DNAH2: variants seen among roughly 807,000 people sequenced by gnomAD.
DNAH2 encodes dynein axonemal heavy chain 2.
Under a neutral mutation model 523.5 loss-of-function variants are expected in DNAH2, and 323 were observed. The observed-to-expected ratio is 0.62, with a 90% CI of 0.56 to 0.68. DNAH2 has a LOEUF of 0.68. Among genes scored for constraint, DNAH2 ranks in the 30% least tolerant of loss-of-function variants. The probability of loss-of-function intolerance (pLI) is 0.00; values close to 1 mark genes in which losing one functional copy is unlikely to be tolerated. For missense variants in DNAH2, 4,907 were observed against 5,701.5 expected (o/e 0.86, Z 4.49); for synonymous variants, 2,093 against 2,177.4 (o/e 0.96, Z 1.08).
rs763722220 is a variant in DNAH2 at position 7,786,847 on chromosome 17, G to A, written c.6467-50G>A. ...TGTCTCCGAGGAGCGTGAGCGGAGG[G>A]TGCAAGGTGAGCGGCTCCCCGGTTT... is the stretch of plus-strand genomic sequence containing the variant. On this transcript the variant is annotated intron_variant, in intron 41 of 85. Coordinates refer to ENST00000572933, the MANE Select transcript of DNAH2 (RefSeq NM_020877.5). This position sits in a 1 kb window ranked among gnomAD's most constrained non-coding sequence, Gnocchi z 7.5. The A allele has an allele frequency of 6.2e-7, 1 of 1,613,468 alleles. No individual in the cohort carries two copies. Among genetic ancestry groups the A allele is most frequent in the Admixed American group, 1.7e-5 (1 of 60,008 alleles).
Position 7,833,608 on chromosome 17 carries a change from T to C in DNAH2, c.*75T>C. 6.3e-7 allele frequency: 1 copy of C among 1,593,158 alleles called. No individual in the cohort carries two copies. The highest frequency in any genetic ancestry group is 1.1e-5 in the South Asian group (1 of 90,178). ...CTAAGACAGATGTTGCACCTAGGAC[T>C]GAGGCCGGACCTCACTCAGACTTTG... On this transcript the variant is annotated 3_prime_UTR_variant, in exon 86 of 86. Transcript: ENST00000572933.
intron 77 of DNAH2, among the ~76,000 whole-genome samples, chr17:7,829,301 C>T (rs746306623): frequency 4.6e-5 from 7 of 152,184 alleles, no homozygotes; most frequent in African/African-American, 1.2e-4. Flanking sequence ...CGTGAGCCAG[C>T]GCGCCTGGCC....
At chr17:7,741,304 TCCCTCCCTCCCTCCC>T (rs2075333146) in intron 11 of DNAH2, among the ~76,000 whole-genome samples, 3 of 53,914 alleles carry the variant, frequency 5.6e-5, no homozygotes, top group African/African-American at 8.9e-5. Context: ...CTTCCTTCCT[TCCCTCCCTCCCTCCC>T]TCCCTCCTTC....
In DNAH2 at chr17:7,830,287, T is replaced by C. The variant is rs2078134128; in HGVS notation, c.11854-13T>C. 1 of 1,610,626 alleles carries C rather than the reference T, an allele frequency of 6.2e-7. No homozygotes were observed. Among genetic ancestry groups the C allele is most frequent in the Non-Finnish European group, 8.5e-7 (1 of 1,178,190 alleles). On this transcript the variant is annotated splice_polypyrimidine_tract_variant and intron_variant, in intron 77 of 85. Transcript: ENST00000572933. ...ATGCATGTCACCCCATCTTTATATT[T>C]CATTGTCCCCAGGGCCTAAAGGCCA...
Position 7,831,034 on chromosome 17 carries a change from A to G in DNAH2, c.12231-52A>G. 1 of 1,581,668 alleles carries G rather than the reference A, an allele frequency of 6.3e-7. No individual in the cohort carries two copies. The highest frequency in any genetic ancestry group is 8.6e-7 in the Non-Finnish European group (1 of 1,160,016). On this transcript the variant is annotated intron_variant, in intron 79 of 85. Transcript: ENST00000572933. The surrounding 1 kb of genome is among the most constrained non-coding windows in gnomAD (Gnocchi z 4.2). ...CATAGGTTTGGGGTCTTGGCCTGGC[A>G]TTGAGGGCTGAGTCCCCACAATGTG...
chr17:7,741,236 C>CTCTTTCTTTCTTTCTTTCTTTCTT (rs71387996), intron 11 of DNAH2, among the ~76,000 whole-genome samples: 29 of 85,666 alleles, frequency 3.4e-4, no homozygotes, highest in Non-Finnish European at 5.4e-4. Flanking sequence ...TTTTCTCTCT[C>CTCTTTCTTTCTTTCTTTCTTTCTT]TCTTTCTTTC....
At chr17:7,753,452 T>G (rs1181787476) in intron 12 of DNAH2, among the ~76,000 whole-genome samples, 1 of 152,016 alleles carries the variant, frequency 6.6e-6, no homozygotes, top group Non-Finnish European at 1.5e-5. Flanking sequence ...GTGAAGAACC[T>G]CGGGGAGTCC....
intron 18 of DNAH2, among the ~76,000 whole-genome samples, chr17:7,762,613 C>A (rs1019522049): frequency 1.3e-5 from 2 of 152,050 alleles, no homozygotes; most frequent in Non-Finnish European, 2.9e-5. Context: ...GGATTACGGG[C>A]CTGAGCCACC....
chr17:7,753,314 T>A (rs2075742019), intron 12 of DNAH2, among the ~76,000 whole-genome samples: 1 of 152,060 alleles, frequency 6.6e-6, no homozygotes, highest in Non-Finnish European at 1.5e-5. Context: ...GGCAGAGCTA[T>A]CTAGTAGACA....
chr17:7,759,405 T>C lies in DNAH2; in HGVS notation c.2449-17T>C, dbSNP rs1308992418. 2 of 1,589,626 alleles carry C rather than the reference T, an allele frequency of 1.3e-6. No homozygotes were observed. Among genetic ancestry groups the C allele is most frequent in the Non-Finnish European group, 1.7e-6 (2 of 1,166,462 alleles). ...CTTCCCTGAAAAGTTCTCTTTTTCC[T>C]CCCTCCATCCCATCAGATTCAGCAG... On this transcript the variant is annotated splice_polypyrimidine_tract_variant and intron_variant, in intron 15 of 85. Transcript: ENST00000572933.
chr17:7,831,848 G>A lies in DNAH2; in HGVS notation c.12726+73G>A. The A allele has an allele frequency of 2.2e-6, 3 of 1,390,288 alleles. No homozygotes were observed. The highest frequency in any genetic ancestry group is 3.0e-6 in the Non-Finnish European group (3 of 1,008,750). 86.1% of individuals were successfully genotyped at this position (1,390,288 alleles called of 1,614,324 possible). A position where few individuals can be genotyped will look rare whatever the true frequency, so the allele number is the denominator to read the frequency against. ...TCAATCCTGGGCCCCCCAATCTCCT[G>A]GTTCTAGGTGGGCATAAAGCAAACT... On this transcript the variant is annotated intron_variant, in intron 82 of 85. Transcript: ENST00000572933. This position sits in a 1 kb window ranked among gnomAD's most constrained non-coding sequence, Gnocchi z 4.2.
intron 63 of DNAH2, among the ~76,000 whole-genome samples, chr17:7,811,934 T>C (rs943696678): frequency 9.9e-5 from 15 of 152,204 alleles, no homozygotes; most frequent in Non-Finnish European, 1.6e-4. Flanking sequence ...GAATGAAGTC[T>C]CTCGTGAGCA....
rs763080669 is a variant in DNAH2, at chr17:7,776,866, C to T, written c.5035C>T (p.Leu1679Phe). 9.9e-6 allele frequency: 16 copies of T among 1,611,486 alleles called. No individual in the cohort carries two copies. In the African/African-American group the frequency reaches 1.2e-4, roughly 12 times the overall value. Residue 1679 changes from leucine to phenylalanine, a missense_variant, in exon 32 of 86, where the codon CTC (leucine) becomes TTC (phenylalanine). Around this residue, in one of 3 missense-constraint regions of DNAH2, gnomAD observed 2,806 missense variants for 3,190.8 expected, o/e 0.88. Transcript: ENST00000572933. The part of the protein sequence containing the change: ...TAKERADKKI[L>F]KVMKKNQVSI... ...GAAGGAGCGGGCAGACAAGAAAATC[C>T]TCAAGGTCATGAAGAAGAACCAGGT...
At position 7,787,599 on chromosome 17, in the gene DNAH2, G is replaced by C. The variant is rs185871953; in HGVS notation, c.6604-261G>C. 12 of 377,374 alleles carry C rather than the reference G, an allele frequency of 3.2e-5. No homozygotes were observed. The East Asian group carries it at 6.1e-4, about 19-fold the overall frequency. The allele number at this position is 377,374 out of a possible 1,614,324, so 23.4% of individuals were successfully genotyped here. A position where few individuals can be genotyped will look rare whatever the true frequency, so the allele number is the denominator to read the frequency against. On this transcript the variant is annotated intron_variant, in intron 42 of 85. Transcript: ENST00000572933. ...AAAAATACAAAAGTTAGCTGGGTGT[G>C]GTGTTGTGCACCTGTAGTCCCAGGT...
At position 7,798,020 on chromosome 17, in the gene DNAH2, C is replaced by G; in HGVS notation, c.8231-137C>G. ...GTTAAAAGTTGAATTGCCTCCTGGG[C>G]CTTGGGCACCAACTTCTTCTCATAC... On this transcript the variant is annotated intron_variant, in intron 53 of 85. Transcript: ENST00000572933. The surrounding 1 kb of genome is among the most constrained non-coding windows in gnomAD (Gnocchi z 5.5). The G allele has an allele frequency of 7.3e-7, 1 of 1,374,406 alleles. No homozygotes were observed. Among genetic ancestry groups the G allele is most frequent in the Non-Finnish European group, 9.8e-7 (1 of 1,018,316 alleles). 85.1% of individuals were successfully genotyped at this position (1,374,406 alleles called of 1,614,324 possible).
Position 7,780,411 on chromosome 17 carries a change from G to A in DNAH2, c.5850+127G>A. On this transcript the variant is annotated intron_variant, in intron 37 of 85. Coordinates refer to ENST00000572933, the MANE Select transcript of DNAH2 (RefSeq NM_020877.5). This position sits in a 1 kb window ranked among gnomAD's most constrained non-coding sequence, Gnocchi z 4.4. ...AAGGAACTTAGACTATTGTCAGTAG[G>A]ATGTGTGGGGAGAAAAATTTAGGGG... 2 of 1,484,066 alleles carry A rather than the reference G, an allele frequency of 1.3e-6. No individual in the cohort carries two copies. The highest frequency in any genetic ancestry group is 1.8e-6 in the Non-Finnish European group (2 of 1,084,684). The allele number at this position is 1,484,066 out of a possible 1,614,324, so 91.9% of individuals were successfully genotyped here. A position where few individuals can be genotyped will look rare whatever the true frequency, so the allele number is the denominator to read the frequency against.
intron 51 of DNAH2, 34 bp from the exon 52 acceptor site, chr17:7,797,366 A>T: frequency 6.2e-7 from 1 of 1,613,680 alleles, no homozygotes. Flanking sequence ...TCTCCTCTTT[A>T]TTCCCCGATC....
chr17:7,771,063 T>C, intron 27 of DNAH2, 130 bp downstream of exon 27: 1 of 1,089,022 alleles, frequency 9.2e-7, no homozygotes, highest in East Asian at 2.5e-5. Flanking sequence ...AGGACCCAGC[T>C]GTCTGATTCT....
At chr17:7,809,840 T>TA (rs796068621) in intron 63 of DNAH2, among the ~76,000 whole-genome samples, 5,051 of 137,022 alleles carry the variant, frequency 0.037, 94 homozygotes, top group Non-Finnish European at 0.042. Flanking sequence ...AAATGCACCT[T>TA]AAAAAAAAAA....
Sources: allele counts gnomAD v4.1 joint callset (sites outside exome capture counted in the v4.1 genomes callset), GRCh38; gene constraint gnomAD v4.1.1; regional missense constraint gnomAD v4.1.1; non-coding constraint Gnocchi (gnomAD v3.1); transcripts MANE v1.5; gene names NCBI Gene and HGNC (gene_info 2026-07-23, HGNC 2026-07-21).